Variants in COPS7A observed in about 807,000 individuals in gnomAD.
COPS7A encodes the protein COP9 signalosome subunit 7A, also known as COP9 signalosome complex subunit 7a.
COPS7A carries 20 observed loss-of-function variants against 35.2 expected under a neutral mutation model. The ratio of observed to expected loss-of-function variants is 0.57; its 90% CI spans 0.40 to 0.83. The LOEUF (loss-of-function observed/expected upper bound fraction) is 0.83, where lower values mean the gene tolerates loss of function less well. Among genes scored for constraint, COPS7A ranks in the 40% least tolerant of loss-of-function variants. The pLI is 0.00. For synonymous variants in COPS7A, 139 were observed against 141.4 expected (o/e 0.98, Z 0.12); for missense variants, 247 against 347.5 (o/e 0.71, Z 2.30).
At chr12:6,728,139 T>C in intron 3 of COPS7A, 84 bp from the exon 4 acceptor site, 1 of 1,479,020 alleles carries the variant, frequency 6.8e-7, no homozygotes, top group Non-Finnish European at 9.4e-7. Flanking sequence ...GAATTGGCAT[T>C]GAAAGTGGGA....
At chr12:6,725,447 G>A (rs373684118) in intron 2 of COPS7A, among the ~76,000 whole-genome samples, 3 of 152,100 alleles carry the variant, frequency 2.0e-5, no homozygotes, top group South Asian at 2.1e-4. Context: ...TTGAGCCACC[G>A]CACCTAGCCA....
In COPS7A at chr12:6,731,765, G is replaced by A. The variant is rs1014439402; in HGVS notation, c.*726G>A. 2.6e-5 allele frequency: 4 copies of A among 151,438 alleles called. No homozygotes were observed. Among genetic ancestry groups the A allele is most frequent in the African/African-American group, 9.8e-5 (4 of 40,780 alleles). The allele number at this position is 151,438 out of a possible 1,614,324, so 9.4% of individuals were successfully genotyped here. ...CTCCTTTTGTGAGTTTGGTGGGGAA[G>A]GGAAGGGTATATAGATTGTATTAAA... On this transcript the variant is annotated 3_prime_UTR_variant, in exon 8 of 8. Transcript: ENST00000543155.
At chr12:6,725,306 G>A (rs549990726) in intron 2 of COPS7A, among the ~76,000 whole-genome samples, 8 of 152,064 alleles carry the variant, frequency 5.3e-5, no homozygotes, top group East Asian at 1.9e-4. Flanking sequence ...ACAGGCGCCC[G>A]CCACCATGCC....
intron 6 of COPS7A, 52 bp from the exon 7 acceptor site, chr12:6,730,617 C>T (rs1289210521): frequency 1.9e-6 from 3 of 1,609,508 alleles, no homozygotes; most frequent in Non-Finnish European, 1.7e-6. Flanking sequence ...TGAGCAGGGG[C>T]TGGAAGGTTC....
chr12:6,728,538 G>T (rs1271955986), intron 4 of COPS7A, among the ~76,000 whole-genome samples: 1 of 152,152 alleles, frequency 6.6e-6, no homozygotes, highest in Non-Finnish European at 1.5e-5. Context: ...ATCTTCTGTG[G>T]TTTTGGTCAA....
intron 5 of COPS7A, 86 bp from the exon 6 acceptor site, chr12:6,730,316 C>T (rs1449341890): frequency 9.9e-6 from 13 of 1,313,792 alleles, no homozygotes; most frequent in African/African-American, 1.4e-5. Flanking sequence ...TGCGCCCTGC[C>T]TCTAGGGTTC....
rs1306358828 is a variant in COPS7A, at chr12:6,729,204, C to T, written c.328-43C>T. On this transcript the variant is annotated intron_variant, in intron 4 of 7. Transcript: ENST00000543155. The surrounding 1 kb of genome is among the most constrained non-coding windows in gnomAD (Gnocchi z 4.2). Reference sequence around the variant, plus strand: ...GAAGATTTTTGGAAGCCCTTCTCTACTACGGAGCGTCACAAATCCTGGCCT... The same window carrying T: ...GAAGATTTTTGGAAGCCCTTCTCTATTACGGAGCGTCACAAATCCTGGCCT... 3.1e-6 allele frequency: 5 copies of T among 1,607,220 alleles called. No homozygotes were observed. The South Asian group carries it at 5.5e-5, about 18-fold the overall frequency.
chr12:6,726,692 C>T (rs1405806268), intron 2 of COPS7A, among the ~76,000 whole-genome samples: 2 of 149,066 alleles, frequency 1.3e-5, no homozygotes, highest in African/African-American at 2.5e-5. Flanking sequence ...AAAAGGGAGG[C>T]GGAGGTTGCA....
chr12:6,727,064 C>T (rs1034267369), intron 2 of COPS7A, among the ~76,000 whole-genome samples: 8 of 152,286 alleles, frequency 5.3e-5, no homozygotes, highest in African/African-American at 1.4e-4. Flanking sequence ...AAGCTGAGCA[C>T]AGTGGCTCAC....
At position 6,731,366 on chromosome 12, in the gene COPS7A, C is replaced by T. The variant is rs1453076070; in HGVS notation, c.*327C>T. ...GTAGGTGGGTAGCCCTGATGGGGGT[C>T]GCTCTGTCTGGAGCATAACCCACAG... On this transcript the variant is annotated 3_prime_UTR_variant, in exon 8 of 8. Coordinates refer to ENST00000543155, the MANE Select transcript of COPS7A (RefSeq NM_001164094.2). The T allele has an allele frequency of 4.4e-6, 6 of 1,376,454 alleles. No individual in the cohort carries two copies. Among genetic ancestry groups the T allele is most frequent in the Non-Finnish European group, 5.6e-6 (6 of 1,062,128 alleles). The allele number at this position is 1,376,454 out of a possible 1,614,324, so 85.3% of individuals were successfully genotyped here.
In COPS7A at chr12:6,724,426, G is replaced by A. The variant is rs1018821824; in HGVS notation, c.-43-188G>A. On this transcript the variant is annotated intron_variant, in intron 1 of 7. Transcript: ENST00000543155. The stretch of plus-strand genomic sequence containing the variant: ...GGGCTTGGGGTTAGGCCCAGGGGAG[G>A]GGGTGGGTGTGGCAGCCTTGCGAAG... The A allele has an allele frequency of 1.4e-5, 8 of 580,052 alleles. No individual in the cohort carries two copies. In the East Asian group the frequency reaches 1.9e-4, roughly 14 times the overall value. The allele number at this position is 580,052 out of a possible 1,614,324, so 35.9% of individuals were successfully genotyped here. A position where few individuals can be genotyped will look rare whatever the true frequency, so the allele number is the denominator to read the frequency against.
In COPS7A at chr12:6,729,368, A is replaced by G; in HGVS notation, c.449A>G (p.Gln150Arg). Reference sequence around the variant, plus strand: ...CGTGGCTCCCTGGACCAGCGCAACCAGCGGCTCGAGGTTGACTACAGCATC... The same window carrying G: ...CGTGGCTCCCTGGACCAGCGCAACCGGCGGCTCGAGGTTGACTACAGCATC... ...VLRGSLDQRN[Q>R]RLEVDYSIGR... The change falls in exon 5 of 8, where the codon CAG becomes CGG. Residue 150 changes from glutamine (Q) to arginine (R), a missense_variant. Coordinates refer to ENST00000543155, the MANE Select transcript of COPS7A (RefSeq NM_001164094.2). This position sits in a 1 kb window ranked among gnomAD's most constrained non-coding sequence, Gnocchi z 4.2. 2 of 1,614,202 alleles carry G rather than the reference A, an allele frequency of 1.2e-6. No homozygotes were observed. The highest frequency in any genetic ancestry group is 1.7e-6 in the Non-Finnish European group (2 of 1,180,044).
chr12:6,730,966 CTCTCTCTCTCTT>C, intron 7 of COPS7A, 22 bp from the exon 8 acceptor site: 5 of 1,601,152 alleles, frequency 3.1e-6, no homozygotes, highest in Non-Finnish European at 4.3e-6. Flanking sequence ...TGCATTCTCT[CTCTCTCTCTCTT>C]TCTCTCTCTT....
Position 6,731,394 on chromosome 12 carries a change from G to C in COPS7A, c.*355G>C, listed in dbSNP as rs1941393429. The C allele has an allele frequency of 8.4e-7, 1 of 1,197,004 alleles. No homozygotes were observed. Among genetic ancestry groups the C allele is most frequent in the South Asian group, 2.5e-5 (1 of 39,636 alleles). 74.1% of individuals were successfully genotyped at this position (1,197,004 alleles called of 1,614,324 possible). A position where few individuals can be genotyped will look rare whatever the true frequency, so the allele number is the denominator to read the frequency against. Reference sequence around the variant, plus strand: ...TCTGTCTGGAGCATAACCCACAGGCGTTTTTTCTGCCACCCCATCCCTGCA... The same window carrying C: ...TCTGTCTGGAGCATAACCCACAGGCCTTTTTTCTGCCACCCCATCCCTGCA... On this transcript the variant is annotated 3_prime_UTR_variant, in exon 8 of 8. Transcript: ENST00000543155.
intron 3 of COPS7A, 52 bp from the exon 4 acceptor site, chr12:6,728,171 C>A: frequency 1.3e-6 from 2 of 1,571,244 alleles, no homozygotes; most frequent in Non-Finnish European, 1.7e-6. Context: ...GAGGCTAGGG[C>A]TTCCCAGAAA....
intron 4 of COPS7A, 104 bp downstream of exon 4, chr12:6,728,415 C>T (rs1462174129): frequency 1.2e-6 from 1 of 802,002 alleles, no homozygotes; most frequent in African/African-American, 1.7e-5. Context: ...GCTTCCTGCC[C>T]TCCCCTCCTC....
Position 6,731,492 on chromosome 12 carries a change from C to A in COPS7A, c.*453C>A. 1 of 279,862 alleles carries A rather than the reference C, an allele frequency of 3.6e-6. No individual in the cohort carries two copies. Among genetic ancestry groups the A allele is most frequent in the Non-Finnish European group, 6.3e-6 (1 of 158,164 alleles). The allele number at this position is 279,862 out of a possible 1,614,324, so 17.3% of individuals were successfully genotyped here. ...CTCTGAAGAGCCATAGGGCCCCCAC[C>A]TTTACTCACACCCTGAGAATTCTGG... On this transcript the variant is annotated 3_prime_UTR_variant, in exon 8 of 8. Coordinates refer to ENST00000543155, the MANE Select transcript of COPS7A (RefSeq NM_001164094.2).
chr12:6,728,421 T>A, intron 4 of COPS7A, 110 bp downstream of exon 4: 1 of 740,376 alleles, frequency 1.4e-6, no homozygotes. Flanking sequence ...TGCCCTCCCC[T>A]CCTCCAAGGT....
chr12:6,728,923 C>T (rs1356776444), intron 4 of COPS7A: 1 of 376,182 alleles, frequency 2.7e-6, no homozygotes. Flanking sequence ...CTGATCTTGA[C>T]TAAGGACTGG....
Sources: gnomAD v4.1 joint callset for allele counts (sites outside exome capture counted in the v4.1 genomes callset) on GRCh38, gnomAD v4.1.1 for gene constraint, Gnocchi (gnomAD v3.1) non-coding constraint, MANE v1.5 for transcripts, NCBI Gene and HGNC (gene_info 2026-07-23, HGNC 2026-07-21) for gene names.